The following NOX3 variants were observed in gnomAD, a reference collection of about 807,000 sequenced individuals.
NOX3 encodes the protein NADPH oxidase 3, also known as NADPH oxidase catalytic subunit-like 3.
NOX3 carries 74 observed loss-of-function variants against 76.7 expected under a neutral mutation model. The observed-to-expected ratio is 0.96, with a 90% CI of 0.80 to 1.17. The LOEUF is 1.17. Ranked by LOEUF, NOX3 falls within the 50% of genes most tolerant of loss-of-function variation. The probability of loss-of-function intolerance (pLI) is 0.00; values close to 1 mark genes in which losing one functional copy is unlikely to be tolerated. For synonymous variants in NOX3, 263 were observed against 261.1 expected (o/e 1.01, Z -0.07); for missense variants, 695 against 703.3 (o/e 0.99, Z 0.13).
At chr6:155,405,289 G>T (rs142448324) in intron 12 of NOX3, among the ~76,000 whole-genome samples, 1 of 152,284 alleles carries the variant, frequency 6.6e-6, no homozygotes, top group Non-Finnish European at 1.5e-5. Flanking sequence ...TGGAAAGAAG[G>T]TCAGGGTATA....
intron 4 of NOX3, among the ~76,000 whole-genome samples, chr6:155,446,523 G>T (rs960222022): frequency 1.3e-5 from 2 of 152,298 alleles, no homozygotes; most frequent in Non-Finnish European, 2.9e-5. Flanking sequence ...TATTCAAAGA[G>T]TTAAGGAATT....
intron 12 of NOX3, among the ~76,000 whole-genome samples, chr6:155,400,559 C>A (rs1178201208): frequency 6.6e-6 from 1 of 151,996 alleles, no homozygotes; most frequent in Non-Finnish European, 1.5e-5. Flanking sequence ...ATTAGAAATG[C>A]CTCCAAATGA....
chr6:155,425,194 T>C (rs1009921513), intron 9 of NOX3, among the ~76,000 whole-genome samples: 1 of 152,238 alleles, frequency 6.6e-6, no homozygotes, highest in African/African-American at 2.4e-5. Flanking sequence ...ATTCCAGATC[T>C]TTTTCCTTTT....
chr6:155,432,568 A>G (rs1776848586), intron 7 of NOX3, among the ~76,000 whole-genome samples: 1 of 151,888 alleles, frequency 6.6e-6, no homozygotes, highest in South Asian at 2.1e-4. Flanking sequence ...ACTTCCTTTG[A>G]GTCACCTTTC....
At chr6:155,440,459 GA>G (rs533177104) in intron 5 of NOX3, among the ~76,000 whole-genome samples, 20 of 149,416 alleles carry the variant, frequency 1.3e-4, no homozygotes, top group Non-Finnish European at 2.1e-4. Context: ...TATTATACTG[GA>G]AAAAAAACCC....
At chr6:155,448,998 A>T (rs186672884) in intron 4 of NOX3, among the ~76,000 whole-genome samples, 34 of 152,240 alleles carry the variant, frequency 2.2e-4, no homozygotes, top group African/African-American at 8.2e-4. Context: ...TTTGTAAATC[A>T]CATTAAATCC....
intron 11 of NOX3, among the ~76,000 whole-genome samples, chr6:155,409,314 C>G (rs144551283): frequency 3.9e-5 from 6 of 152,144 alleles, no homozygotes; most frequent in Admixed American, 3.9e-4. Context: ...TGGGTGAACA[C>G]GCATCCTTTG....
chr6:155,441,872 A>T (rs972437006), intron 5 of NOX3, among the ~76,000 whole-genome samples: 1 of 152,166 alleles, frequency 6.6e-6, no homozygotes. Context: ...AAATGCTGTG[A>T]TTCAATGGAC....
At chr6:155,439,398 C>G (rs1013070047) in intron 6 of NOX3, among the ~76,000 whole-genome samples, 2 of 152,108 alleles carry the variant, frequency 1.3e-5, no homozygotes, top group Non-Finnish European at 2.9e-5. Context: ...AATACCAGAA[C>G]AGTGTTTTAC....
intron 11 of NOX3, 72 bp downstream of exon 11, chr6:155,411,142 T>C: frequency 7.7e-7 from 1 of 1,305,202 alleles, no homozygotes; most frequent in South Asian, 1.4e-5. Context: ...ACATAGCTCA[T>C]TATTGAAATT....
At chr6:155,405,838 C>T (rs569210913) in intron 12 of NOX3, among the ~76,000 whole-genome samples, 4 of 152,358 alleles carry the variant, frequency 2.6e-5, no homozygotes, top group Admixed American at 1.3e-4. Context: ...TCCCAGGCCC[C>T]TCACGTTCCA....
At chr6:155,413,257 C>CA (rs1424286941) in intron 10 of NOX3, among the ~76,000 whole-genome samples, 6 of 151,912 alleles carry the variant, frequency 3.9e-5, no homozygotes, top group Admixed American at 6.5e-5. Context: ...GTGGGAAGTG[C>CA]GGAGGTCCTG....
chr6:155,407,041 C>T (rs958577698), intron 12 of NOX3, 89 bp downstream of exon 12: 104 of 1,401,828 alleles, frequency 7.4e-5, no homozygotes, highest in African/African-American at 7.2e-4. Context: ...TGGAGATATA[C>T]GGTACTGCAG....
chr6:155,446,639 T>A (rs1415866299), intron 4 of NOX3, among the ~76,000 whole-genome samples: 2 of 152,222 alleles, frequency 1.3e-5, no homozygotes, highest in Admixed American at 1.3e-4. Flanking sequence ...GCAATTATCA[T>A]ACCTGATTTT....
intron 10 of NOX3, among the ~76,000 whole-genome samples, chr6:155,420,948 CT>C (rs1776681591): frequency 6.6e-6 from 1 of 152,166 alleles, no homozygotes; most frequent in African/African-American, 2.4e-5. Flanking sequence ...AGCATTAAAA[CT>C]CCCTGTTGGA....
intron 3 of NOX3, among the ~76,000 whole-genome samples, 188 bp from the exon 4 acceptor site, chr6:155,453,676 C>G (rs529968750): frequency 6.6e-6 from 1 of 152,242 alleles, no homozygotes; most frequent in South Asian, 2.1e-4. Context: ...GCTGAACTCT[C>G]AACTCAAAAA....
chr6:155,396,933 G>T lies in NOX3; in HGVS notation c.1610C>A (p.Pro537His). ...TTGAAGTGTCCTCGAGAGAGCTTTA[G>T]GTCCACAGAAGAACACGCCAATACT... The part of the protein sequence containing the change: ...SSSIGVFFCG[P>H]KALSRTLQKM... The change falls in exon 13 of 14, where the codon CCT (proline) becomes CAT (histidine). Residue 537 changes from proline (P) to histidine (H), a missense_variant. By Grantham distance (77) the Pro-to-His change is moderately conservative. Coordinates refer to ENST00000159060, the MANE Select transcript of NOX3 (RefSeq NM_015718.3). 6.2e-7 allele frequency: 1 copy of T among 1,613,196 alleles called. No homozygotes were observed. Among genetic ancestry groups the T allele is most frequent in the South Asian group, 1.1e-5 (1 of 91,018 alleles).
intron 4 of NOX3, among the ~76,000 whole-genome samples, chr6:155,446,119 A>G (rs1007148732): frequency 6.6e-6 from 1 of 151,522 alleles, no homozygotes; most frequent in Non-Finnish European, 1.5e-5. Flanking sequence ...CGTGATGTTT[A>G]CTGCTTCCTT....
At chr6:155,400,296 C>G (rs1331180521) in intron 12 of NOX3, among the ~76,000 whole-genome samples, 1 of 152,216 alleles carries the variant, frequency 6.6e-6, no homozygotes, top group African/African-American at 2.4e-5. Flanking sequence ...GAGCCCTTCT[C>G]TCCTTAAATT....
Sources: gnomAD v4.1 joint callset for allele counts (sites outside exome capture counted in the v4.1 genomes callset) on GRCh38, gnomAD v4.1.1 for gene constraint, MANE v1.5 for transcripts, NCBI Gene and HGNC (gene_info 2026-07-23, HGNC 2026-07-21) for gene names.